The following RFX3 variants were observed in gnomAD, a reference collection of about 807,000 sequenced individuals.
RFX3 encodes regulatory factor X3, also known as transcription factor RFX3.
RFX3 carries 14 observed loss-of-function variants against 98.6 expected under a neutral mutation model. That is an observed-to-expected ratio of 0.14 (90% CI 0.09 to 0.22). The LOEUF is 0.22. Among genes scored for constraint, RFX3 ranks in the 10% least tolerant of loss-of-function variants. The pLI, the probability that RFX3 is intolerant of heterozygous loss-of-function variation, is 1.00. For missense variants in RFX3, 639 were observed against 926.9 expected, an observed-to-expected ratio of 0.69 and a Z score of 4.03; for synonymous variants, 383 against 328.4, an observed-to-expected ratio of 1.17 and a Z score of -1.80.
chr9:3,306,289 C>T (rs2986693), intron 4 of RFX3, among the ~76,000 whole-genome samples: 21,691 of 151,916 alleles, frequency 0.14, 1,636 homozygotes, highest in Middle Eastern at 0.21. Context: ...GGTTACGAGT[C>T]AGCTAGAATT....
In RFX3 at chr9:3,222,867, G is replaced by C. The variant is rs1486964034; in HGVS notation, c.*2175C>G. 1 of 152,124 alleles carries C rather than the reference G, an allele frequency of 6.6e-6. No homozygotes were observed. Among genetic ancestry groups the C allele is most frequent in the African/African-American group, 2.4e-5 (1 of 41,440 alleles). 9.4% of individuals were successfully genotyped at this position (152,124 alleles called of 1,614,324 possible). On this transcript the variant is annotated 3_prime_UTR_variant, in exon 17 of 17. Transcript: ENST00000617270. The stretch of plus-strand genomic sequence containing the variant: ...CTAGTGAAGACTTTCAAATATATGA[G>C]TGAGTTGTATAATAAAAAATTTGGA...
intron 6 of RFX3, among the ~76,000 whole-genome samples, chr9:3,289,510 T>A (rs1205585459): frequency 6.6e-6 from 1 of 152,110 alleles, no homozygotes; most frequent in Non-Finnish European, 1.5e-5. Context: ...GGCGTTCTCC[T>A]GTACAAGCTG....
At chr9:3,445,369 A>G (rs1409970698) in intron 1 of RFX3, among the ~76,000 whole-genome samples, 1 of 151,988 alleles carries the variant, frequency 6.6e-6, no homozygotes, top group Non-Finnish European at 1.5e-5. Flanking sequence ...TAGAAATTTA[A>G]GCAAAACATC....
chr9:3,254,517 G>A (rs1050236492), intron 14 of RFX3, among the ~76,000 whole-genome samples: 2 of 151,876 alleles, frequency 1.3e-5, no homozygotes, highest in African/African-American at 2.4e-5. Context: ...GAAACTGTTG[G>A]GCAACTGGGA....
intron 1 of RFX3, among the ~76,000 whole-genome samples, chr9:3,431,393 C>T (rs1020144527): frequency 5.3e-5 from 8 of 152,096 alleles, no homozygotes; most frequent in East Asian, 1.9e-4. Context: ...TTAAGGTCTG[C>T]GGCTGAGGTT....
chr9:3,455,731 G>C (rs1847090714), intron 1 of RFX3, among the ~76,000 whole-genome samples: 1 of 152,268 alleles, frequency 6.6e-6, no homozygotes, highest in African/African-American at 2.4e-5. Context: ...CAAAAGTTAT[G>C]TTAGGAAACC....
intron 2 of RFX3, among the ~76,000 whole-genome samples, chr9:3,363,974 C>T (rs1022921982): frequency 6.6e-6 from 1 of 152,250 alleles, no homozygotes; most frequent in African/African-American, 2.4e-5. Context: ...CTCCCGGATT[C>T]AAGCAATTCC....
chr9:3,480,731 C>A (rs1849679905), intron 1 of RFX3, among the ~76,000 whole-genome samples: 1 of 152,100 alleles, frequency 6.6e-6, no homozygotes, highest in Non-Finnish European at 1.5e-5. Context: ...GCCATATGAC[C>A]TTAGACAAGT....
intron 2 of RFX3, among the ~76,000 whole-genome samples, chr9:3,390,641 GC>G (rs1840212645): frequency 6.6e-6 from 1 of 152,136 alleles, no homozygotes; most frequent in Non-Finnish European, 1.5e-5. Context: ...TCTTTTCTGT[GC>G]TGGTCTCGTG....
intron 4 of RFX3, among the ~76,000 whole-genome samples, chr9:3,304,470 A>C (rs560264207): frequency 6.6e-6 from 1 of 152,156 alleles, no homozygotes; most frequent in Admixed American, 6.6e-5. Flanking sequence ...ATATATGAAT[A>C]AATGCATAAT....
At chr9:3,453,264 T>A (rs1312729862) in intron 1 of RFX3, among the ~76,000 whole-genome samples, 1 of 151,980 alleles carries the variant, frequency 6.6e-6, no homozygotes, top group Non-Finnish European at 1.5e-5. Flanking sequence ...ACCCCCCAAG[T>A]GTAACTGGTT....
chr9:3,251,001 G>A (rs757256883), intron 14 of RFX3, among the ~76,000 whole-genome samples: 45 of 151,960 alleles, frequency 3.0e-4, no homozygotes, highest in African/African-American at 1.0e-3. Context: ...AAAGATATAC[G>A]TACAATCGTA....
chr9:3,328,556 T>G (rs1159286892), intron 4 of RFX3, among the ~76,000 whole-genome samples: 2 of 151,950 alleles, frequency 1.3e-5, no homozygotes, highest in African/African-American at 2.4e-5. Flanking sequence ...CAAATACACA[T>G]AAGAAATGCT....
intron 1 of RFX3, among the ~76,000 whole-genome samples, chr9:3,505,274 G>GAATATATATTTATATATATA (rs1816883018): frequency 1.6e-5 from 1 of 61,390 alleles, no homozygotes; most frequent in African/African-American, 1.2e-4. Flanking sequence ...ATATATATAT[G>GAATATATATTTATATATATA]AATATATACA....
chr9:3,300,584 C>A (rs574411877), intron 5 of RFX3, among the ~76,000 whole-genome samples: 254 of 151,698 alleles, frequency 1.7e-3, no homozygotes, highest in Non-Finnish European at 3.3e-3. Context: ...CAATATCGAG[C>A]TTTTCAGTTA....
chr9:3,291,805 A>T (rs1309155567), intron 6 of RFX3, among the ~76,000 whole-genome samples: 1 of 151,930 alleles, frequency 6.6e-6, no homozygotes, highest in East Asian at 1.9e-4. Flanking sequence ...TATTAAGATT[A>T]AAAACTCTTC....
intron 1 of RFX3, among the ~76,000 whole-genome samples, chr9:3,440,694 C>T (rs10814097): frequency 6.6e-6 from 1 of 151,986 alleles, no homozygotes; most frequent in African/African-American, 2.4e-5. Flanking sequence ...ATCCAAATCC[C>T]AAATCCCAAT....
At chr9:3,338,656 A>C (rs1041443826) in intron 3 of RFX3, among the ~76,000 whole-genome samples, 1 of 152,202 alleles carries the variant, frequency 6.6e-6, no homozygotes, top group Admixed American at 6.5e-5. Flanking sequence ...AGTGGGCACC[A>C]AAAGCTGGCA....
At chr9:3,467,212 CATAT>C (rs1273026789) in intron 1 of RFX3, among the ~76,000 whole-genome samples, 3 of 139,442 alleles carry the variant, frequency 2.2e-5, no homozygotes, top group Admixed American at 7.3e-5. Context: ...TGTGTATATA[CATAT>C]ATAATGTATA....
Sources: allele counts gnomAD v4.1 joint callset (sites outside exome capture counted in the v4.1 genomes callset), GRCh38; gene constraint gnomAD v4.1.1; transcripts MANE v1.5; gene names NCBI Gene and HGNC (gene_info 2026-07-23, HGNC 2026-07-21).